The following GRM5 variants were observed in gnomAD, a reference collection of about 807,000 sequenced individuals.
GRM5 encodes the protein metabotropic glutamate receptor 5.
A neutral mutation model predicts 83.1 loss-of-function variants in GRM5; 19 were observed. The observed-to-expected ratio is 0.23, with a 90% CI of 0.16 to 0.34. GRM5 has a LOEUF of 0.34. GRM5 is among the 10% of genes least tolerant of loss of function. The pLI, the probability that GRM5 is intolerant of heterozygous loss-of-function variation, is 1.00. For missense variants in GRM5, 1,160 were observed against 1,588.3 expected (o/e 0.73, Z 4.58); for synonymous variants, 675 against 633.6 (o/e 1.07, Z -0.98).
intron 2 of GRM5, among the ~76,000 whole-genome samples, chr11:88,974,235 G>T (rs1287759971): frequency 6.6e-6 from 1 of 152,118 alleles, no homozygotes; most frequent in Non-Finnish European, 1.5e-5. Context: ...TTGGTAGCCA[G>T]AACTATACCC....
intron 9 of GRM5, among the ~76,000 whole-genome samples, chr11:88,509,935 G>C (rs1242648759): frequency 6.6e-6 from 1 of 152,104 alleles, no homozygotes. Context: ...TTACCACTAG[G>C]ACCCAAACTC....
At chr11:88,658,553 A>G (rs1441898054) in intron 3 of GRM5, among the ~76,000 whole-genome samples, 1 of 152,154 alleles carries the variant, frequency 6.6e-6, no homozygotes, top group Non-Finnish European at 1.5e-5. Context: ...AGTCTAGTGG[A>G]GGGATGAGAA....
In GRM5 at chr11:88,810,548, G is replaced by A. The variant is rs563573952; in HGVS notation, c.911+39358C>T. 7.2e-5 allele frequency among the ~76,000 whole-genome samples: 11 copies of A among 152,128 alleles called. No individual in the cohort carries two copies. The South Asian group carries it at 1.2e-3, about 17-fold the overall frequency. On this transcript the variant is annotated intron_variant, in intron 3 of 9. Coordinates refer to ENST00000305447, the MANE Select transcript of GRM5 (RefSeq NM_001143831.3). ...AGGAAGAGAGTAGATACTGAAGATC[G>A]GTCAGGGAGCTGTTAGAGTAAGCAT...
At chr11:88,791,687 G>A (rs1409227405) in intron 3 of GRM5, among the ~76,000 whole-genome samples, 1 of 152,042 alleles carries the variant, frequency 6.6e-6, no homozygotes, top group Non-Finnish European at 1.5e-5. Context: ...TGGGGCAAGT[G>A]CTATTAAATA....
intron 3 of GRM5, among the ~76,000 whole-genome samples, chr11:88,666,976 C>A (rs1940060487): frequency 6.6e-6 from 1 of 152,076 alleles, no homozygotes; most frequent in Non-Finnish European, 1.5e-5. Context: ...CCATCCCAAT[C>A]ATTAGAATCA....
intron 3 of GRM5, among the ~76,000 whole-genome samples, chr11:88,828,365 G>A (rs990424954): frequency 6.6e-6 from 1 of 152,126 alleles, no homozygotes; most frequent in Non-Finnish European, 1.5e-5. Flanking sequence ...ATAGGTAATT[G>A]TACATTCACA....
At chr11:88,947,093 A>G (rs748277218) in intron 2 of GRM5, among the ~76,000 whole-genome samples, 13 of 152,164 alleles carry the variant, frequency 8.5e-5, no homozygotes, top group Non-Finnish European at 1.9e-4. Context: ...TAGGAAACAT[A>G]TTAGAGACCA....
At chr11:89,040,490 T>C (rs1591070355) in intron 2 of GRM5, among the ~76,000 whole-genome samples, 2 of 151,864 alleles carry the variant, frequency 1.3e-5, no homozygotes, top group African/African-American at 4.8e-5. Context: ...CAGGTGGGAG[T>C]TTGAGACCAG....
rs928789584 is a variant in GRM5 at position 88,508,245 on chromosome 11, C to T, written c.*347G>A. ...TTTTTACAGTTGCTTATTAACTATG[C>T]TCTTCACCCTCCGTTACGCTGTTTC... On this transcript the variant is annotated 3_prime_UTR_variant, in exon 10 of 10. Coordinates refer to ENST00000305447, the MANE Select transcript of GRM5 (RefSeq NM_001143831.3). This position sits in a 1 kb window ranked among gnomAD's most constrained non-coding sequence, Gnocchi z 4.2. 5.5e-6 allele frequency: 1 copy of T among 182,556 alleles called. No individual in the cohort carries two copies. The highest frequency in any genetic ancestry group is 1.1e-5 in the Non-Finnish European group (1 of 88,430). The allele number at this position is 182,556 out of a possible 1,614,324, so 11.3% of individuals were successfully genotyped here. A position where few individuals can be genotyped will look rare whatever the true frequency, so the allele number is the denominator to read the frequency against.
chr11:89,026,952 C>A (rs1274548193), intron 2 of GRM5, among the ~76,000 whole-genome samples: 1 of 152,144 alleles, frequency 6.6e-6, no homozygotes, highest in African/African-American at 2.4e-5. Flanking sequence ...AATGATTGCA[C>A]ATGGGACAGA....
chr11:88,787,244 C>T (rs565960019), intron 3 of GRM5, among the ~76,000 whole-genome samples: 145 of 151,680 alleles, frequency 9.6e-4, no homozygotes, highest in African/African-American at 3.4e-3. Flanking sequence ...CCAAGCATCA[C>T]TCATTTATAG....
chr11:88,596,671 A>G (rs1362159223), intron 6 of GRM5, among the ~76,000 whole-genome samples: 1 of 152,072 alleles, frequency 6.6e-6, no homozygotes, highest in Non-Finnish European at 1.5e-5. Flanking sequence ...TTCAGTAGAA[A>G]TATCTCTATC....
chr11:88,642,347 C>T lies in GRM5; in HGVS notation c.1147+10821G>A, dbSNP rs540071072. On this transcript the variant is annotated intron_variant, in intron 4 of 9. Coordinates refer to ENST00000305447, the MANE Select transcript of GRM5 (RefSeq NM_001143831.3). ...CATTCTTCCCTCCTAGACCTCTGGA[C>T]CTGTGATGGAAGCAGCTGCCACAAG... 3.9e-4 allele frequency among the ~76,000 whole-genome samples: 60 copies of T among 152,226 alleles called. 1 individual carries two copies. In the South Asian group the frequency reaches 0.011, roughly 27 times the overall value.
At chr11:88,799,014 G>C (rs2135484034) in intron 3 of GRM5, among the ~76,000 whole-genome samples, 1 of 151,862 alleles carries the variant, frequency 6.6e-6, no homozygotes, top group South Asian at 2.1e-4. Context: ...TCTCTGTTTA[G>C]TATCCAAAGT....
intron 3 of GRM5, among the ~76,000 whole-genome samples, chr11:88,806,094 C>G (rs756106007): frequency 2.3e-4 from 35 of 152,142 alleles, no homozygotes; most frequent in Non-Finnish European, 3.4e-4. Context: ...CCCTTTGGAC[C>G]TCAGTTTTCT....
At chr11:89,062,544 C>A (rs1942016162) in intron 1 of GRM5, among the ~76,000 whole-genome samples, 1 of 152,200 alleles carries the variant, frequency 6.6e-6, no homozygotes, top group Admixed American at 6.5e-5. Context: ...TGGTCTGTAT[C>A]AATTTCTTAT....
chr11:88,676,878 G>T (rs1462889682), intron 3 of GRM5, among the ~76,000 whole-genome samples: 1 of 152,012 alleles, frequency 6.6e-6, no homozygotes, highest in Non-Finnish European at 1.5e-5. Context: ...CTCAAATGGG[G>T]ACAAGAAAAA....
chr11:88,767,764 C>T (rs925962160), intron 3 of GRM5, among the ~76,000 whole-genome samples: 5 of 151,620 alleles, frequency 3.3e-5, no homozygotes, highest in African/African-American at 1.2e-4. Context: ...ATCTGTGCAC[C>T]AAATCCCTGT....
At chr11:88,631,006 A>G (rs1197226513) in intron 4 of GRM5, among the ~76,000 whole-genome samples, 1 of 152,176 alleles carries the variant, frequency 6.6e-6, no homozygotes, top group East Asian at 1.9e-4. Context: ...TTTAGTAGCC[A>G]TCTGGACTAG....
Sources: gnomAD v4.1 joint callset for allele counts (sites outside exome capture counted in the v4.1 genomes callset) on GRCh38, gnomAD v4.1.1 for gene constraint, Gnocchi (gnomAD v3.1) non-coding constraint, MANE v1.5 for transcripts, NCBI Gene and HGNC (gene_info 2026-07-23, HGNC 2026-07-21) for gene names.